Variants in UBE2E2 observed in about 807,000 individuals in gnomAD.
UBE2E2 encodes the protein ubiquitin-conjugating enzyme E2 E2.
In UBE2E2, 6 loss-of-function variants were observed where a neutral mutation model predicts 24.7. The ratio of observed to expected loss-of-function variants is 0.24; its 90% CI spans 0.13 to 0.48. The LOEUF (loss-of-function observed/expected upper bound fraction) is 0.48, where lower values mean the gene tolerates loss of function less well. UBE2E2 is among the 20% of genes least tolerant of loss of function. The pLI, the probability that UBE2E2 is intolerant of heterozygous loss-of-function variation, is 0.99. For synonymous variants in UBE2E2, 104 were observed against 83.6 expected (o/e 1.24, Z -1.33); for missense variants, 169 against 245.0 (o/e 0.69, Z 2.07).
chr3:23,223,300 C>T (rs1034976272), intron 3 of UBE2E2, among the ~76,000 whole-genome samples: 1 of 150,938 alleles, frequency 6.6e-6, no homozygotes, highest in South Asian at 2.1e-4. Context: ...TCAAGTGATT[C>T]TTCTGCCTCA....
chr3:23,358,714 T>C lies in UBE2E2; in HGVS notation c.228-140894T>C, dbSNP rs190691189. On this transcript the variant is annotated intron_variant, in intron 3 of 5. Coordinates refer to ENST00000396703, the MANE Select transcript of UBE2E2 (RefSeq NM_152653.4). ...AAAGTAGCTGTAAGAATAACAGAAC[T>C]GAAATTAAGTATTTAAATATCTAAA... Among the ~76,000 whole-genome samples the C allele has an allele frequency of 6.6e-4, 100 of 152,338 alleles. 1 individual carries two copies. Among genetic ancestry groups the C allele is most frequent in the African/African-American group, 2.4e-3 (98 of 41,576 alleles).
At chr3:23,209,262 G>A (rs766866756) in intron 2 of UBE2E2, among the ~76,000 whole-genome samples, 1 of 152,164 alleles carries the variant, frequency 6.6e-6, no homozygotes. Context: ...GTGAGTGACA[G>A]TTTATTTTCC....
intron 3 of UBE2E2, among the ~76,000 whole-genome samples, chr3:23,377,133 C>A (rs1233336308): frequency 6.6e-6 from 1 of 152,178 alleles, no homozygotes; most frequent in Non-Finnish European, 1.5e-5. Flanking sequence ...GGCATTGGGT[C>A]CGTGTTCTGT....
chr3:23,349,720 A>C (rs1000096955), intron 3 of UBE2E2, among the ~76,000 whole-genome samples: 1 of 152,228 alleles, frequency 6.6e-6, no homozygotes, highest in African/African-American at 2.4e-5. Context: ...TAGGTAAACA[A>C]AGCAGCCAGG....
At chr3:23,249,531 A>C (rs989682445) in intron 3 of UBE2E2, among the ~76,000 whole-genome samples, 39 of 152,220 alleles carry the variant, frequency 2.6e-4, no homozygotes, top group African/African-American at 8.9e-4. Context: ...AGATTGATTC[A>C]GGATAAACGT....
At chr3:23,524,725 A>G (rs953040378) in intron 4 of UBE2E2, among the ~76,000 whole-genome samples, 2 of 152,174 alleles carry the variant, frequency 1.3e-5, no homozygotes, top group African/African-American at 4.8e-5. Flanking sequence ...AGTCAACATA[A>G]AGAATGTTAA....
chr3:23,389,989 G>A (rs1368973140), intron 3 of UBE2E2: 2 of 152,234 alleles, frequency 1.3e-5, no homozygotes, highest in Non-Finnish European at 2.9e-5. Context: ...GGCAACCCCA[G>A]TTCCTCATTG....
chr3:23,472,302 A>G (rs1343264036), intron 3 of UBE2E2, among the ~76,000 whole-genome samples: 3 of 152,220 alleles, frequency 2.0e-5, no homozygotes, highest in Non-Finnish European at 4.4e-5. Flanking sequence ...TGAGAAATCT[A>G]CTGGAAAATG....
chr3:23,453,698 A>C (rs951829381), intron 3 of UBE2E2, among the ~76,000 whole-genome samples: 2 of 152,220 alleles, frequency 1.3e-5, no homozygotes, highest in Non-Finnish European at 2.9e-5. Context: ...TTATAAAACA[A>C]ACTGTGAATA....
chr3:23,503,965 A>G (rs1694368600), intron 4 of UBE2E2, among the ~76,000 whole-genome samples: 1 of 152,050 alleles, frequency 6.6e-6, no homozygotes, highest in African/African-American at 2.4e-5. Flanking sequence ...CAGCCTACAT[A>G]TTTGTTACAT....
At chr3:23,252,077 T>A (rs1559456831) in intron 3 of UBE2E2, among the ~76,000 whole-genome samples, 4 of 152,212 alleles carry the variant, frequency 2.6e-5, no homozygotes, top group African/African-American at 9.6e-5. Context: ...ATTGACTATT[T>A]CTCTGCAACA....
chr3:23,374,975 C>T (rs984698930), intron 3 of UBE2E2, among the ~76,000 whole-genome samples: 2 of 151,878 alleles, frequency 1.3e-5, no homozygotes, highest in Non-Finnish European at 2.9e-5. Flanking sequence ...TTAATTATTA[C>T]ATACCTTAAA....
chr3:23,410,112 G>T (rs1697463894), intron 3 of UBE2E2, among the ~76,000 whole-genome samples: 2 of 152,130 alleles, frequency 1.3e-5, no homozygotes, highest in African/African-American at 4.8e-5. Context: ...CATGGTCATG[G>T]GTAAGCAGGA....
chr3:23,376,835 G>C (rs928840055), intron 3 of UBE2E2, among the ~76,000 whole-genome samples: 2 of 152,190 alleles, frequency 1.3e-5, no homozygotes, highest in African/African-American at 2.4e-5. Context: ...TTGAAGTCCA[G>C]TAGTTGAGGT....
chr3:23,530,179 A>G (rs995066884), intron 4 of UBE2E2, among the ~76,000 whole-genome samples: 1 of 152,192 alleles, frequency 6.6e-6, no homozygotes, highest in Non-Finnish European at 1.5e-5. Flanking sequence ...GTGGCTTAGC[A>G]TGGGATCAGT....
intron 3 of UBE2E2, among the ~76,000 whole-genome samples, chr3:23,229,091 GC>G (rs1234198103): frequency 6.6e-6 from 1 of 152,130 alleles, no homozygotes; most frequent in African/African-American, 2.4e-5. Context: ...TCTGGCAAGA[GC>G]TCTTTCTTTA....
At chr3:23,515,859 C>T (rs1694726510) in intron 4 of UBE2E2, among the ~76,000 whole-genome samples, 1 of 151,732 alleles carries the variant, frequency 6.6e-6, no homozygotes, top group Non-Finnish European at 1.5e-5. Flanking sequence ...CCTGTAGTCT[C>T]AGCTACTCAG....
intron 3 of UBE2E2, among the ~76,000 whole-genome samples, chr3:23,268,021 A>G (rs6788095): frequency 0.8 from 119,587 of 148,964 alleles, 48,144 homozygotes; most frequent in African/African-American, 0.89. Context: ...CATGCTAAAA[A>G]CTCTCAATAA....
intron 3 of UBE2E2, among the ~76,000 whole-genome samples, chr3:23,293,348 T>A (rs1698822157): frequency 6.6e-6 from 1 of 152,210 alleles, no homozygotes. Flanking sequence ...GTGAACTTCA[T>A]TTAGGACTTG....
Sources: allele counts gnomAD v4.1 joint callset (sites outside exome capture counted in the v4.1 genomes callset), GRCh38; gene constraint gnomAD v4.1.1; transcripts MANE v1.5; gene names NCBI Gene and HGNC (gene_info 2026-07-23, HGNC 2026-07-21).